The following PSTPIP1 variants were observed in gnomAD, a reference collection of about 807,000 sequenced individuals.
The protein encoded by PSTPIP1 is proline-serine-threonine phosphatase-interacting protein 1.
A neutral mutation model predicts 69.6 loss-of-function variants in PSTPIP1; 66 were observed. The observed-to-expected ratio is 0.95, with a 90% CI of 0.78 to 1.16. PSTPIP1 has a LOEUF of 1.16. Among genes scored for constraint, PSTPIP1 ranks in the 50% most tolerant of loss-of-function variants. The probability of loss-of-function intolerance (pLI) is 0.00; values close to 1 mark genes in which losing one functional copy is unlikely to be tolerated. For missense variants in PSTPIP1, 603 were observed against 557.4 expected, an observed-to-expected ratio of 1.08 and a Z score of -0.82; for synonymous variants, 266 against 222.7, an observed-to-expected ratio of 1.19 and a Z score of -1.73.
chr15:77,028,024 A>G (rs2076324083), intron 6 of PSTPIP1, 110 bp downstream of exon 6: 2 of 1,068,352 alleles, frequency 1.9e-6, no homozygotes, highest in Non-Finnish European at 2.8e-6. Flanking sequence ...GGCTGACCTC[A>G]GCCTTGGTCC....
At chr15:77,016,316 C>T (rs752714806) in intron 1 of PSTPIP1, among the ~76,000 whole-genome samples, 35 of 152,194 alleles carry the variant, frequency 2.3e-4, no homozygotes, top group Admixed American at 9.8e-4. Context: ...GAGGCTGAGG[C>T]CCCAGATTTG....
chr15:77,026,081 C>T, intron 5 of PSTPIP1: 1 of 456,580 alleles, frequency 2.2e-6, no homozygotes, highest in South Asian at 1.5e-5. Flanking sequence ...TATGGCATTG[C>T]TTAGCATCCA....
At position 77,006,328 on chromosome 15, in the gene PSTPIP1, G is replaced by C. The variant is rs1410079901; in HGVS notation, c.36+10719G>C. 1.3e-5 allele frequency among the ~76,000 whole-genome samples: 2 copies of C among 151,960 alleles called. 1 individual carries two copies. Among genetic ancestry groups the C allele is most frequent in the Middle Eastern group, 6.3e-3 (2 of 316 alleles). ...TTGAATTGGTTGTCTTTTTATTGTT[G>C]AGTTGAAGGAGTTCTTTATATTTTC... is the stretch of plus-strand genomic sequence containing the variant. On this transcript the variant is annotated intron_variant, in intron 1 of 14. Transcript: ENST00000558012.
At chr15:77,022,676 C>G (rs1267771671) in intron 3 of PSTPIP1, among the ~76,000 whole-genome samples, 3 of 152,230 alleles carry the variant, frequency 2.0e-5, no homozygotes. Flanking sequence ...GGCTCCTCCT[C>G]TCATCCACAG....
upstream of PSTPIP1, chr15:76,994,861 G>C (rs1476646938): frequency 4.7e-5 from 61 of 1,288,920 alleles, no homozygotes; most frequent in Non-Finnish European, 5.9e-5. Flanking sequence ...GGGGAGTCTG[G>C]CATCTCTGGG....
At chr15:76,997,408 C>A (rs781153246) in intron 1 of PSTPIP1, among the ~76,000 whole-genome samples, 8 of 151,376 alleles carry the variant, frequency 5.3e-5, no homozygotes, top group Non-Finnish European at 8.8e-5. Flanking sequence ...ATTCTAATAC[C>A]TCTTCCTGAT....
chr15:77,017,054 G>A (rs962647835), intron 1 of PSTPIP1, among the ~76,000 whole-genome samples: 7 of 152,124 alleles, frequency 4.6e-5, no homozygotes, highest in Admixed American at 3.9e-4. Flanking sequence ...GACTAGGTGC[G>A]GAATGTCAGG....
Position 77,029,549 on chromosome 15 carries a change from G to A in PSTPIP1, c.537G>A (p.Gln179=), listed in dbSNP as rs927470089. Residue 179 remains glutamine (Q), a synonymous_variant, in exon 8 of 15, where the codon CAG becomes CAA. Transcript: ENST00000558012. ...QVEKSQNKAR[Q]CKDSATEAER... ...CTCAGAGTCAGAACAAAGCCAGGCA[G>A]TGCAAGGACTCGGCCACCGAGGCAG... is the stretch of plus-strand genomic sequence containing the variant. 20 of 1,584,654 alleles carry A rather than the reference G, an allele frequency of 1.3e-5. No homozygotes were observed. The highest frequency in any genetic ancestry group is 3.3e-4 in the Middle Eastern group (2 of 6,038).
At chr15:77,022,719 G>T (rs1019183417) in intron 3 of PSTPIP1, among the ~76,000 whole-genome samples, 1 of 152,158 alleles carries the variant, frequency 6.6e-6, no homozygotes, top group East Asian at 1.9e-4. Context: ...TTTCATCTGG[G>T]GCCAAGAAAG....
At chr15:77,035,585 C>T in intron 13 of PSTPIP1, 22 bp downstream of exon 13, 1 of 1,564,324 alleles carries the variant, frequency 6.4e-7, no homozygotes, top group Non-Finnish European at 8.7e-7. Flanking sequence ...CAGGAGGGGA[C>T]CCCCAAACAC....
intron 14 of PSTPIP1, 86 bp from the exon 15 acceptor site, chr15:77,036,959 G>T: frequency 1.3e-6 from 2 of 1,538,738 alleles, no homozygotes; most frequent in Non-Finnish European, 1.8e-6. Flanking sequence ...CGCATTTACT[G>T]CTGGGTGGGG....
At position 77,035,870 on chromosome 15, in the gene PSTPIP1, G is replaced by A. The variant is rs201186216; in HGVS notation, c.1054G>A (p.Glu352Lys). ...TGTCTACACAGCCATCGCAGTGCAG[G>A]AGATACAGGGAAACCCGGCCTCACC... ...EGVYTAIAVQ[E>K]IQGNPASPAQ... is the part of the protein sequence containing the mutation. Residue 352 changes from glutamate (E) to lysine (K), a missense_variant, in exon 14 of 15, where the codon GAG (glutamate) becomes AAG (lysine). Glu to Lys is a moderately conservative substitution (Grantham distance 56, BLOSUM62 1). Transcript: ENST00000558012. 359 of 1,610,690 alleles carry A rather than the reference G, an allele frequency of 2.2e-4. No individual in the cohort carries two copies. The Middle Eastern group carries it at 2.3e-3, about 10-fold the overall frequency.
At chr15:77,031,049 C>T (rs1033775643) in intron 9 of PSTPIP1, 131 bp from the exon 10 acceptor site, 3 of 870,708 alleles carry the variant, frequency 3.4e-6, no homozygotes, top group African/African-American at 3.3e-5. Flanking sequence ...CCAGGGCACT[C>T]TCTCCTTTGG....
At position 77,032,327 on chromosome 15, in the gene PSTPIP1, A is replaced by C; in HGVS notation, c.771A>C (p.Glu257Asp). The C allele has an allele frequency of 6.2e-7, 1 of 1,612,584 alleles. No individual in the cohort carries two copies. The highest frequency in any genetic ancestry group is 8.5e-7 in the Non-Finnish European group (1 of 1,179,740). Residue 257 changes from glutamate to aspartate, a missense_variant, in exon 11 of 15, where the codon GAA (glutamate) becomes GAC (aspartate). Physicochemically the swap from Glu to Asp is conservative, Grantham distance 45. Coordinates refer to ENST00000558012, the MANE Select transcript of PSTPIP1 (RefSeq NM_003978.5). The stretch of plus-strand genomic sequence containing the variant: ...ACGAGGAAGTGCGGCTGACGCTGGA[A>C]GGCTGCAGCATAGACGCCGACATCG... ...ELYEEVRLTLEGCSIDADIDS... is the reference protein window; with the variant it reads ...ELYEEVRLTLDGCSIDADIDS...
At position 77,031,114 on chromosome 15, in the gene PSTPIP1, G is replaced by T; in HGVS notation, c.643-66G>T. On this transcript the variant is annotated intron_variant, in intron 9 of 14. Transcript: ENST00000558012. ...GGTCAGCTCCGGCTGAGCTGTGAAT[G>T]GGGCCCAGCCTGGCCGGGCCCTGCA... 2.7e-6 allele frequency: 4 copies of T among 1,456,772 alleles called. No individual in the cohort carries two copies. The South Asian group carries it at 3.4e-5, about 13-fold the overall frequency. 90.2% of individuals were successfully genotyped at this position (1,456,772 alleles called of 1,614,324 possible). A position where few individuals can be genotyped will look rare whatever the true frequency, so the allele number is the denominator to read the frequency against.
At chr15:77,036,598 T>G (rs1012680001) in intron 14 of PSTPIP1, among the ~76,000 whole-genome samples, 2 of 152,004 alleles carry the variant, frequency 1.3e-5, no homozygotes, top group African/African-American at 4.8e-5. Flanking sequence ...AGGCTGGGTG[T>G]GGACTCCACT....
At chr15:77,036,686 G>A (rs532956171) in intron 14 of PSTPIP1, among the ~76,000 whole-genome samples, 25 of 152,246 alleles carry the variant, frequency 1.6e-4, no homozygotes, top group African/African-American at 5.3e-4. Context: ...TGGCTAGCTG[G>A]GGCTGGGGAC....
At chr15:77,012,282 C>T (rs2075958783) in intron 1 of PSTPIP1, among the ~76,000 whole-genome samples, 1 of 151,248 alleles carries the variant, frequency 6.6e-6, no homozygotes, top group Non-Finnish European at 1.5e-5. Flanking sequence ...TCCACCCATC[C>T]ACCCACCCAT....
intron 3 of PSTPIP1, among the ~76,000 whole-genome samples, chr15:77,024,806 C>T (rs976729921): frequency 2.6e-5 from 4 of 151,962 alleles, no homozygotes; most frequent in South Asian, 2.1e-4. Flanking sequence ...GCTAGCCTCT[C>T]CCACGGCCAT....
Sources: gnomAD v4.1 joint callset for allele counts (sites outside exome capture counted in the v4.1 genomes callset) on GRCh38, gnomAD v4.1.1 for gene constraint, MANE v1.5 for transcripts, NCBI Gene and HGNC (gene_info 2026-07-23, HGNC 2026-07-21) for gene names.